CCBE1: variants seen among roughly 807,000 people sequenced by gnomAD.
CCBE1 encodes the protein collagen and calcium binding EGF domains 1.
A neutral mutation model predicts 50.0 loss-of-function variants in CCBE1; 37 were observed. The ratio of observed to expected loss-of-function variants is 0.74; its 90% confidence interval spans 0.57 to 0.97. CCBE1 has a LOEUF of 0.97. Among genes scored for constraint, CCBE1 ranks in the 50% least tolerant of loss-of-function variants. The pLI, the probability that CCBE1 is intolerant of heterozygous loss-of-function variation, is 0.00. For synonymous variants in CCBE1, 234 were observed against 203.7 expected, an observed-to-expected ratio of 1.15 and a Z score of -1.27; for missense variants, 538 against 523.8, an observed-to-expected ratio of 1.03 and a Z score of -0.26.
chr18:59,534,498 G>A (rs1028742190), intron 2 of CCBE1, among the ~76,000 whole-genome samples: 4 of 152,344 alleles, frequency 2.6e-5, no homozygotes, highest in African/African-American at 9.6e-5. Flanking sequence ...TCCTCTGTCT[G>A]AGAGGGGCTT....
intron 2 of CCBE1, among the ~76,000 whole-genome samples, chr18:59,556,132 G>T (rs1233080361): frequency 1.3e-5 from 2 of 152,180 alleles, no homozygotes; most frequent in East Asian, 3.8e-4. Context: ...CCAGCCTCCA[G>T]CTTGGTTCCT....
intron 2 of CCBE1, among the ~76,000 whole-genome samples, chr18:59,563,325 A>T (rs962685621): frequency 6.6e-6 from 1 of 152,236 alleles, no homozygotes; most frequent in Non-Finnish European, 1.5e-5. Flanking sequence ...TTGATTTTTT[A>T]AAATACTATT....
chr18:59,601,010 G>GGTTTTTTTTTTTTT (rs1555697206), intron 2 of CCBE1, among the ~76,000 whole-genome samples: 1 of 58,004 alleles, frequency 1.7e-5, no homozygotes, highest in African/African-American at 5.4e-5. Flanking sequence ...CTATGTGTCA[G>GGTTTTTTTTTTTTT]TTTTTTTTTT....
chr18:59,531,523 G>A (rs959568091), intron 2 of CCBE1, among the ~76,000 whole-genome samples: 1 of 152,112 alleles, frequency 6.6e-6, no homozygotes, highest in Admixed American at 6.6e-5. Context: ...TGAGGCAGGA[G>A]GATTGCTTGA....
At chr18:59,609,577 C>G (rs2053544108) in intron 2 of CCBE1, among the ~76,000 whole-genome samples, 1 of 152,226 alleles carries the variant, frequency 6.6e-6, no homozygotes, top group African/African-American at 2.4e-5. Context: ...TTTCTTAAAT[C>G]TATTTCCCTG....
intron 2 of CCBE1, among the ~76,000 whole-genome samples, chr18:59,608,786 T>C (rs866821219): frequency 6.6e-6 from 1 of 152,204 alleles, no homozygotes; most frequent in African/African-American, 2.4e-5. Flanking sequence ...GCCTCTCCTG[T>C]ATTCAAAATA....
chr18:59,524,768 C>T (rs549778237), intron 2 of CCBE1, among the ~76,000 whole-genome samples: 1 of 151,304 alleles, frequency 6.6e-6, no homozygotes, highest in Non-Finnish European at 1.5e-5. Context: ...CTCGATAGGC[C>T]CCAGTATGTG....
rs141820237 is a variant in CCBE1, at chr18:59,638,980, G to A, written c.212+57649C>T. On this transcript the variant is annotated intron_variant, in intron 2 of 10. Transcript: ENST00000439986. ...TAACCTTTAGATTGGATTACTTTTG[G>A]TGCATCTTATTTTGGCAGAACTTGA... Among the ~76,000 whole-genome samples, 468 of 152,266 alleles carry A rather than the reference G, an allele frequency of 3.1e-3. 2 individuals are homozygous for A. Among genetic ancestry groups the A allele is most frequent in the Middle Eastern group, 0.014 (4 of 294 alleles).
At chr18:59,695,436 G>C (rs564469600) in intron 2 of CCBE1, among the ~76,000 whole-genome samples, 1 of 151,978 alleles carries the variant, frequency 6.6e-6, no homozygotes, top group African/African-American at 2.4e-5. Flanking sequence ...TTCACCCCCC[G>C]CACACGCCAA....
chr18:59,626,895 T>A (rs1452600531), intron 2 of CCBE1, among the ~76,000 whole-genome samples: 1 of 152,238 alleles, frequency 6.6e-6, no homozygotes, highest in Non-Finnish European at 1.5e-5. Flanking sequence ...GTTTGGACTA[T>A]CCTGGTCCTG....
At chr18:59,601,684 C>G (rs1254429176) in intron 2 of CCBE1, among the ~76,000 whole-genome samples, 1 of 152,214 alleles carries the variant, frequency 6.6e-6, no homozygotes, top group Non-Finnish European at 1.5e-5. Flanking sequence ...ACATGAGCCA[C>G]TATGCCCAGC....
intron 2 of CCBE1, among the ~76,000 whole-genome samples, chr18:59,641,960 A>T (rs1250955111): frequency 1.3e-5 from 2 of 152,188 alleles, no homozygotes; most frequent in Non-Finnish European, 2.9e-5. Context: ...CATGGATTGG[A>T]GAAGGTGAAA....
chr18:59,509,093 A>G (rs1914017790), intron 2 of CCBE1, among the ~76,000 whole-genome samples: 1 of 152,178 alleles, frequency 6.6e-6, no homozygotes, highest in Non-Finnish European at 1.5e-5. Context: ...AAGCTTTGAG[A>G]CTACAGTTTT....
intron 2 of CCBE1, among the ~76,000 whole-genome samples, chr18:59,584,934 T>G (rs1398423331): frequency 1.3e-5 from 2 of 152,158 alleles, no homozygotes; most frequent in Non-Finnish European, 2.9e-5. Context: ...ACAAGTTTGA[T>G]TCTATGACTC....
chr18:59,615,521 A>G (rs1226824073), intron 2 of CCBE1, among the ~76,000 whole-genome samples: 1 of 151,196 alleles, frequency 6.6e-6, no homozygotes, highest in Non-Finnish European at 1.5e-5. Flanking sequence ...AAGACAGAAG[A>G]GATCTTTAAG....
At chr18:59,669,724 C>A (rs58442952) in intron 2 of CCBE1, among the ~76,000 whole-genome samples, 1 of 152,184 alleles carries the variant, frequency 6.6e-6, no homozygotes, top group South Asian at 2.1e-4. Context: ...CATCTCTCCC[C>A]GAACTTCCGG....
intron 2 of CCBE1, among the ~76,000 whole-genome samples, chr18:59,665,673 G>GCA (rs1438111339): frequency 6.6e-6 from 1 of 152,120 alleles, no homozygotes; most frequent in Non-Finnish European, 1.5e-5. Context: ...ACATCAGGAA[G>GCA]CACTGCACTC....
At chr18:59,501,308 A>C (rs1271726782) in intron 2 of CCBE1, among the ~76,000 whole-genome samples, 1 of 152,130 alleles carries the variant, frequency 6.6e-6, no homozygotes, top group African/African-American at 2.4e-5. Flanking sequence ...ACTTACCCCC[A>C]TGGCTTTAGA....
chr18:59,467,363 G>A (rs560542331), intron 4 of CCBE1, among the ~76,000 whole-genome samples: 15 of 152,250 alleles, frequency 9.9e-5, no homozygotes, highest in Admixed American at 7.8e-4. Flanking sequence ...ACAGCATGAC[G>A]ATGACCCCAC....
Sources: allele counts gnomAD v4.1 joint callset (sites outside exome capture counted in the v4.1 genomes callset), GRCh38; gene constraint gnomAD v4.1.1; transcripts MANE v1.5; gene names NCBI Gene and HGNC (gene_info 2026-07-23, HGNC 2026-07-21).